The following ARB2A variants were observed in gnomAD, a reference collection of about 807,000 sequenced individuals.
ARB2A encodes the protein cotranscriptional regulator ARB2A.
At chr5:93,761,542 TA>T in the ARB2A span, among the ~76,000 whole-genome samples, 3 of 151,972 alleles carry the variant, frequency 2.0e-5, no homozygotes, top group African/African-American at 7.3e-5. Flanking sequence ...CTTGAGTAGG[TA>T]AACAAAGCAG....
At chr5:93,747,914 C>T in the ARB2A span, among the ~76,000 whole-genome samples, 4 of 152,114 alleles carry the variant, frequency 2.6e-5, no homozygotes, top group Non-Finnish European at 5.9e-5. Context: ...CCTATACAAT[C>T]ACATGGCTCA....
the ARB2A span, among the ~76,000 whole-genome samples, chr5:93,921,034 A>G: frequency 1.3e-5 from 2 of 152,086 alleles, no homozygotes; most frequent in African/African-American, 4.8e-5. Flanking sequence ...GCTCCCAAGA[A>G]GCAAAAAAAA....
At chr5:93,844,591 T>C in the ARB2A span, among the ~76,000 whole-genome samples, 3 of 152,082 alleles carry the variant, frequency 2.0e-5, no homozygotes, top group Admixed American at 2.0e-4. Context: ...CTGGGAGATA[T>C]GGACATTTAA....
the ARB2A span, among the ~76,000 whole-genome samples, chr5:93,623,698 T>C: frequency 6.6e-6 from 1 of 152,094 alleles, no homozygotes; most frequent in South Asian, 2.1e-4. Context: ...AGAGTATAAA[T>C]AATGAGAATG....
At chr5:93,927,039 G>GAA in the ARB2A span, among the ~76,000 whole-genome samples, 6 of 125,664 alleles carry the variant, frequency 4.8e-5, no homozygotes, top group Non-Finnish European at 6.9e-5. Context: ...GAATGTGCCA[G>GAA]AAAAAAAAAA....
chr5:93,763,859 C>G, the ARB2A span, among the ~76,000 whole-genome samples: 1 of 152,192 alleles, frequency 6.6e-6, no homozygotes, highest in Non-Finnish European at 1.5e-5. Flanking sequence ...TCTCAGACCA[C>G]AGTGCAATCA....
the ARB2A span, among the ~76,000 whole-genome samples, chr5:94,056,298 G>C: frequency 6.6e-6 from 1 of 152,134 alleles, no homozygotes; most frequent in Non-Finnish European, 1.5e-5. Context: ...TAAATAAAAA[G>C]ACATTCCTCA....
At chr5:93,673,317 A>C in the ARB2A span, among the ~76,000 whole-genome samples, 1 of 151,992 alleles carries the variant, frequency 6.6e-6, no homozygotes, top group Non-Finnish European at 1.5e-5. Context: ...AATATTTAAA[A>C]TGTCTCATTT....
the ARB2A span, among the ~76,000 whole-genome samples, chr5:93,994,057 G>A: frequency 1.3e-5 from 2 of 152,082 alleles, no homozygotes; most frequent in African/African-American, 4.8e-5. Flanking sequence ...GCTGTATACT[G>A]TTGACGGGAA....
chr5:93,998,586 G>A, the ARB2A span, among the ~76,000 whole-genome samples: 1 of 151,790 alleles, frequency 6.6e-6, no homozygotes, highest in Admixed American at 6.6e-5. Flanking sequence ...AGTATAAAAG[G>A]ACATTGGCTC....
chr5:93,630,541 A>T, the ARB2A span, among the ~76,000 whole-genome samples: 1 of 152,116 alleles, frequency 6.6e-6, no homozygotes, highest in Non-Finnish European at 1.5e-5. Context: ...TTCTGGCACA[A>T]CCTATCCTTT....
chr5:93,719,150 T>G, the ARB2A span, among the ~76,000 whole-genome samples: 1 of 152,206 alleles, frequency 6.6e-6, no homozygotes, highest in Admixed American at 6.5e-5. Context: ...TCTCCATAAC[T>G]TTTATATTCC....
chr5:93,904,545 T>C, the ARB2A span, among the ~76,000 whole-genome samples: 1 of 151,808 alleles, frequency 6.6e-6, no homozygotes, highest in Non-Finnish European at 1.5e-5. Context: ...TCTCTTTGTG[T>C]ATAAATGATG....
chr5:93,698,528 T>G, the ARB2A span, among the ~76,000 whole-genome samples: 7 of 152,244 alleles, frequency 4.6e-5, no homozygotes, highest in South Asian at 1.4e-3. Context: ...GAAGGTGATA[T>G]TTGAACAAAG....
the ARB2A span, among the ~76,000 whole-genome samples, chr5:93,810,374 T>C: frequency 2.0e-5 from 3 of 151,908 alleles, no homozygotes; most frequent in Admixed American, 1.3e-4. Context: ...TAAACTTAGG[T>C]TGTACAATGC....
chr5:93,886,823 C>T, the ARB2A span, among the ~76,000 whole-genome samples: 4 of 151,734 alleles, frequency 2.6e-5, no homozygotes, highest in African/African-American at 9.7e-5. Context: ...CAGTACTCTA[C>T]TAATATTTTG....
chr5:93,745,452 T>G, the ARB2A span, among the ~76,000 whole-genome samples: 1 of 152,208 alleles, frequency 6.6e-6, no homozygotes, highest in East Asian at 1.9e-4. Context: ...CTAGTCACAG[T>G]GCTCTGAGTA....
chr5:93,892,034 C>A, the ARB2A span, among the ~76,000 whole-genome samples: 1 of 152,156 alleles, frequency 6.6e-6, no homozygotes, highest in Non-Finnish European at 1.5e-5. Context: ...CCCAGCTCTC[C>A]TTTTTGTCCT....
the ARB2A span, among the ~76,000 whole-genome samples, chr5:93,668,307 G>A: frequency 2.0e-5 from 3 of 152,044 alleles, no homozygotes; most frequent in Non-Finnish European, 2.9e-5. Flanking sequence ...GTTTCGGCAC[G>A]TTGGCCAGGC....
Sources: allele counts gnomAD v4.1 joint callset (sites outside exome capture counted in the v4.1 genomes callset), GRCh38; gene constraint gnomAD v4.1.1; transcripts MANE v1.5; gene names NCBI Gene and HGNC (gene_info 2026-07-23, HGNC 2026-07-21).